Variants in ADAMTSL1 observed in about 807,000 individuals in gnomAD.
ADAMTSL1 encodes the protein ADAMTS like 1.
ADAMTSL1 carries 126 observed loss-of-function variants against 201.8 expected under a neutral mutation model. That is an observed-to-expected ratio of 0.62 (90% CI 0.54 to 0.72). ADAMTSL1 has a LOEUF of 0.72. ADAMTSL1 is among the 30% of genes least tolerant of loss of function. The pLI, the probability that ADAMTSL1 is intolerant of heterozygous loss-of-function variation, is 0.00. For missense variants in ADAMTSL1, 2,679 were observed against 2,277.8 expected (o/e 1.18, Z -3.59); for synonymous variants, 1,121 against 903.4 (o/e 1.24, Z -4.32).
chr9:18,565,700 G>T (rs527945711), intron 3 of ADAMTSL1, among the ~76,000 whole-genome samples: 1 of 152,112 alleles, frequency 6.6e-6, no homozygotes, highest in Non-Finnish European at 1.5e-5. Context: ...ACAGTGATGT[G>T]TTAGAGATTT....
chr9:18,312,991 G>GATT (rs886085854), intron 2 of ADAMTSL1, among the ~76,000 whole-genome samples: 7 of 152,194 alleles, frequency 4.6e-5, no homozygotes, highest in Admixed American at 4.6e-4. Context: ...AGTCTGTGGA[G>GATT]ATAATAAAGG....
chr9:18,724,997 C>T (rs1329483862), intron 15 of ADAMTSL1, among the ~76,000 whole-genome samples: 5 of 151,908 alleles, frequency 3.3e-5, no homozygotes, highest in African/African-American at 1.2e-4. Flanking sequence ...AGCTCCGCCT[C>T]CCGGGTTTAC....
intron 2 of ADAMTSL1, among the ~76,000 whole-genome samples, chr9:18,410,977 G>A (rs1330196988): frequency 6.6e-6 from 1 of 150,460 alleles, no homozygotes; most frequent in Non-Finnish European, 1.5e-5. Context: ...AAGTATCTGG[G>A]ACTACAGGCG....
chr9:18,740,626 A>G (rs529839852), intron 15 of ADAMTSL1, among the ~76,000 whole-genome samples: 1 of 151,630 alleles, frequency 6.6e-6, no homozygotes, highest in South Asian at 2.1e-4. Flanking sequence ...ACAGGCACAC[A>G]ACACCAAGCC....
intron 1 of ADAMTSL1, among the ~76,000 whole-genome samples, chr9:18,002,721 G>A (rs1459660613): frequency 6.6e-6 from 1 of 151,986 alleles, no homozygotes; most frequent in Non-Finnish European, 1.5e-5. Flanking sequence ...TTCTGTAACT[G>A]TCAGATATTG....
intron 2 of ADAMTSL1, among the ~76,000 whole-genome samples, chr9:18,327,360 C>T (rs1834868014): frequency 6.6e-6 from 1 of 152,228 alleles, no homozygotes; most frequent in Admixed American, 6.5e-5. Flanking sequence ...TTAATGATCC[C>T]AGAGTAGAGT....
intron 2 of ADAMTSL1, among the ~76,000 whole-genome samples, chr9:18,516,593 AT>A (rs1258389634): frequency 6.6e-6 from 1 of 152,110 alleles, no homozygotes; most frequent in Non-Finnish European, 1.5e-5. Context: ...CTTCTATTTT[AT>A]TTTTCATAAA....
intron 2 of ADAMTSL1, 124 bp downstream of exon 2, chr9:18,505,080 T>A: frequency 8.2e-7 from 1 of 1,217,608 alleles, no homozygotes; most frequent in Non-Finnish European, 1.1e-6. Context: ...AGAAAAGAAT[T>A]AAAGGAACGT....
intron 1 of ADAMTSL1, among the ~76,000 whole-genome samples, chr9:18,074,726 G>C (rs913823497): frequency 6.6e-5 from 10 of 152,054 alleles, no homozygotes; most frequent in Non-Finnish European, 1.3e-4. Context: ...AAGTAGCTGG[G>C]ATTACAGGCG....
At chr9:18,658,360 C>T (rs1394950184) in intron 8 of ADAMTSL1, among the ~76,000 whole-genome samples, 1 of 152,202 alleles carries the variant, frequency 6.6e-6, no homozygotes, top group East Asian at 1.9e-4. Flanking sequence ...GGTCCTGAAG[C>T]AGGCAGGTCC....
chr9:18,099,351 A>T (rs1425489723), intron 1 of ADAMTSL1, among the ~76,000 whole-genome samples: 11 of 52,620 alleles, frequency 2.1e-4, no homozygotes, highest in African/African-American at 8.9e-4. Context: ...ATATATATAT[A>T]TATATTTTTT....
chr9:18,812,116 A>G (rs912907142), intron 20 of ADAMTSL1, among the ~76,000 whole-genome samples: 2 of 152,246 alleles, frequency 1.3e-5, no homozygotes, highest in Non-Finnish European at 2.9e-5. Context: ...TGTATATGAA[A>G]AAGCAAAGGA....
chr9:18,218,645 C>T (rs1271264871), intron 2 of ADAMTSL1, among the ~76,000 whole-genome samples: 1 of 152,010 alleles, frequency 6.6e-6, no homozygotes, highest in African/African-American at 2.4e-5. Flanking sequence ...GATTTATATG[C>T]ATTCTTTAAA....
chr9:18,501,646 G>T (rs989131661), intron 1 of ADAMTSL1, among the ~76,000 whole-genome samples: 1 of 152,164 alleles, frequency 6.6e-6, no homozygotes, highest in Non-Finnish European at 1.5e-5. Flanking sequence ...AATCAGAAAG[G>T]CATCTCTAAA....
At chr9:18,118,514 G>C (rs935265841) in intron 1 of ADAMTSL1, among the ~76,000 whole-genome samples, 4 of 152,176 alleles carry the variant, frequency 2.6e-5, no homozygotes, top group African/African-American at 7.2e-5. Flanking sequence ...CTCATGATCT[G>C]ATTGGTATGC....
intron 7 of ADAMTSL1, among the ~76,000 whole-genome samples, chr9:18,649,985 C>T: frequency 6.6e-6 from 1 of 152,182 alleles, no homozygotes; most frequent in Non-Finnish European, 1.5e-5. Context: ...CTGTGCCCTG[C>T]CATCAGAGGT....
At chr9:18,821,539 A>C (rs910799734) in intron 21 of ADAMTSL1, among the ~76,000 whole-genome samples, 1 of 152,166 alleles carries the variant, frequency 6.6e-6, no homozygotes, top group Non-Finnish European at 1.5e-5. Context: ...GATGCTGGGG[A>C]AGGTAGGCTC....
At chr9:18,315,237 C>T (rs1006701910) in intron 2 of ADAMTSL1, among the ~76,000 whole-genome samples, 1 of 152,146 alleles carries the variant, frequency 6.6e-6, no homozygotes, top group Non-Finnish European at 1.5e-5. Context: ...GAAGTGCTGA[C>T]TGGTGCATTT....
rs1310954796 is a variant in ADAMTSL1 at position 18,514,732 on chromosome 9, G to A, written c.191+9776G>A. Among the ~76,000 whole-genome samples, 4 of 152,190 alleles carry A rather than the reference G, an allele frequency of 2.6e-5. No homozygotes were observed. In the East Asian group the frequency reaches 7.7e-4, roughly 29 times the overall value. ...TTCTGCTTATAAGATCATGTCATCT[G>A]CAAATAGAGATAATTTAACTTCTTC... On this transcript the variant is annotated intron_variant, in intron 2 of 28. Coordinates refer to ENST00000380548, the MANE Select transcript of ADAMTSL1 (RefSeq NM_001040272.6).
Sources: allele counts gnomAD v4.1 joint callset (sites outside exome capture counted in the v4.1 genomes callset), GRCh38; gene constraint gnomAD v4.1.1; transcripts MANE v1.5; gene names NCBI Gene and HGNC (gene_info 2026-07-23, HGNC 2026-07-21).